NEO1: variants seen among roughly 807,000 people sequenced by gnomAD.
NEO1 encodes the protein neogenin.
Under a neutral mutation model 159.7 loss-of-function variants are expected in NEO1, and 63 were observed. The observed-to-expected ratio is 0.39, with a 90% CI of 0.32 to 0.49. NEO1 has a LOEUF of 0.49. Among genes scored for constraint, NEO1 ranks in the 20% least tolerant of loss-of-function variants. The probability of loss-of-function intolerance (pLI) is 0.85; values close to 1 mark genes in which losing one functional copy is unlikely to be tolerated. For synonymous variants in NEO1, 633 were observed against 662.0 expected (o/e 0.96, Z 0.67); for missense variants, 1,615 against 1,831.0 (o/e 0.88, Z 2.15).
intron 13 of NEO1, among the ~76,000 whole-genome samples, chr15:73,257,538 G>A (rs1429116898): frequency 6.6e-6 from 1 of 152,160 alleles, no homozygotes; most frequent in Non-Finnish European, 1.5e-5. Flanking sequence ...ATAAGTATTA[G>A]GGAGCAGTAT....
rs2151033506 is a variant in NEO1, at chr15:73,270,526, A to G, written c.2857+72A>G. ...AGGAAAGAATTGAGTGCCTGAATTG[A>G]CATATTTACAAAACACAGTGAGCAA... On this transcript the variant is annotated intron_variant, in intron 18 of 28. Transcript: ENST00000261908. 4 of 1,481,604 alleles carry G rather than the reference A, an allele frequency of 2.7e-6. No individual in the cohort carries two copies. In the East Asian group the frequency reaches 9.3e-5, roughly 34 times the overall value. The allele number at this position is 1,481,604 out of a possible 1,614,324, so 91.8% of individuals were successfully genotyped here.
intron 1 of NEO1, among the ~76,000 whole-genome samples, chr15:73,113,287 A>G (rs2151591786): frequency 6.6e-6 from 1 of 152,196 alleles, no homozygotes; most frequent in South Asian, 2.1e-4. Flanking sequence ...AGTGGCCATT[A>G]TTAGAATGGA....
chr15:73,190,003 A>C (rs1361438579), intron 7 of NEO1, among the ~76,000 whole-genome samples: 1 of 152,150 alleles, frequency 6.6e-6, no homozygotes, highest in Admixed American at 6.5e-5. Flanking sequence ...ATAAAACAGG[A>C]TTATTTTTAT....
chr15:73,126,791 C>T (rs2030314672), intron 4 of NEO1, among the ~76,000 whole-genome samples: 1 of 152,132 alleles, frequency 6.6e-6, no homozygotes, highest in African/African-American at 2.4e-5. Context: ...TCCCTTTGTT[C>T]CTGTTGAAGC....
rs897878674 is a variant in NEO1 at position 73,098,761 on chromosome 15, A to T, written c.131-17779A>T. On this transcript the variant is annotated intron_variant, in intron 1 of 28. Transcript: ENST00000261908. ...ATATTTTGGCCAGTGTATCTTAGGG[A>T]GAGATTCATAGACATGGGATTGCTA... Among the ~76,000 whole-genome samples the T allele has an allele frequency of 9.2e-5, 14 of 152,158 alleles. 1 individual carries two copies. Among genetic ancestry groups the T allele is most frequent in the Admixed American group, 7.9e-4 (12 of 15,268 alleles).
chr15:73,084,252 A>C (rs1374926496), intron 1 of NEO1, among the ~76,000 whole-genome samples: 2 of 152,172 alleles, frequency 1.3e-5, no homozygotes, highest in Non-Finnish European at 2.9e-5. Context: ...GACCTCTTGA[A>C]CTTATTCCTC....
chr15:73,253,300 T>G, intron 11 of NEO1, 100 bp from the exon 12 acceptor site: 14 of 611,636 alleles, frequency 2.3e-5, no homozygotes, highest in Non-Finnish European at 3.8e-5. Context: ...AATCAGTGTT[T>G]GAGATGTGCA....
chr15:73,297,422 G>T (rs2042416214), intron 26 of NEO1, among the ~76,000 whole-genome samples: 1 of 152,210 alleles, frequency 6.6e-6, no homozygotes, highest in African/African-American at 2.4e-5. Flanking sequence ...AATCTTAATA[G>T]ATAGATATTC....
intron 1 of NEO1, among the ~76,000 whole-genome samples, chr15:73,065,542 C>CT (rs758443255): frequency 1.3e-5 from 2 of 152,140 alleles, no homozygotes; most frequent in Non-Finnish European, 2.9e-5. Flanking sequence ...CCACTGAACT[C>CT]TATCTTTTCT....
intron 22 of NEO1, among the ~76,000 whole-genome samples, chr15:73,278,438 C>A (rs2041519135): frequency 6.6e-6 from 1 of 152,190 alleles, no homozygotes; most frequent in African/African-American, 2.4e-5. Flanking sequence ...ATTTGTTCAT[C>A]CTGTTGCCTA....
At chr15:73,296,671 C>CT (rs994159751) in intron 26 of NEO1, among the ~76,000 whole-genome samples, 1 of 152,182 alleles carries the variant, frequency 6.6e-6, no homozygotes, top group Non-Finnish European at 1.5e-5. Context: ...GACCCTCCCC[C>CT]TCCCCCCGCA....
rs185942060 is a variant in NEO1, at chr15:73,069,650, A to G, written c.130+16845A>G. 9.7e-4 allele frequency among the ~76,000 whole-genome samples: 147 copies of G among 152,034 alleles called. 1 individual carries two copies. Among genetic ancestry groups the G allele is most frequent in the African/African-American group, 3.3e-3 (139 of 41,508 alleles). ...TATCAATTAAGGGTTTATGGTTTAT[A>G]TATTTTTATATATATACACATACGT... On this transcript the variant is annotated intron_variant, in intron 1 of 28. Coordinates refer to ENST00000261908, the MANE Select transcript of NEO1 (RefSeq NM_002499.4).
At chr15:73,284,316 G>C (rs577191976) in intron 23 of NEO1, among the ~76,000 whole-genome samples, 1 of 152,304 alleles carries the variant, frequency 6.6e-6, no homozygotes, top group South Asian at 2.1e-4. Flanking sequence ...TATCCATGCA[G>C]ACTTGATCTG....
intron 1 of NEO1, among the ~76,000 whole-genome samples, chr15:73,093,370 T>C (rs551709045): frequency 7.2e-5 from 11 of 152,328 alleles, no homozygotes; most frequent in African/African-American, 2.6e-4. Context: ...TGGGGAATTA[T>C]GTTCTCCCTC....
At chr15:73,245,614 G>A (rs1054724364) in intron 9 of NEO1, among the ~76,000 whole-genome samples, 9 of 148,208 alleles carry the variant, frequency 6.1e-5, no homozygotes, top group African/African-American at 1.3e-4. Flanking sequence ...TCGCTCTGTC[G>A]CCCAGGCTGG....
intron 7 of NEO1, among the ~76,000 whole-genome samples, chr15:73,181,864 T>C (rs1266054494): frequency 6.6e-6 from 1 of 151,782 alleles, no homozygotes; most frequent in Non-Finnish European, 1.5e-5. Context: ...ACATTAAACA[T>C]TGTTATAGAG....
At chr15:73,185,674 A>C (rs1421559342) in intron 7 of NEO1, among the ~76,000 whole-genome samples, 1 of 152,228 alleles carries the variant, frequency 6.6e-6, no homozygotes, top group African/African-American at 2.4e-5. Context: ...CAAAATTTAC[A>C]CACAAATGTT....
chr15:73,278,769 G>A (rs771143074), intron 22 of NEO1, among the ~76,000 whole-genome samples: 5 of 152,190 alleles, frequency 3.3e-5, no homozygotes, highest in Non-Finnish European at 2.9e-5. Context: ...CGTTATTCCC[G>A]TTTAATACAT....
In NEO1 at chr15:73,302,701, C is replaced by T. The variant is rs1451641501; in HGVS notation, c.*5C>T. On this transcript the variant is annotated 3_prime_UTR_variant, in exon 29 of 29. Transcript: ENST00000261908. ...AACGCTATCACAACAGCATGACGAC[C>T]TTCACCAGGACCTGACTTCAAACCT... is the stretch of plus-strand genomic sequence containing the variant. 2 of 1,613,342 alleles carry T rather than the reference C, an allele frequency of 1.2e-6. No individual in the cohort carries two copies.
Sources: gnomAD v4.1 joint callset for allele counts (sites outside exome capture counted in the v4.1 genomes callset) on GRCh38, gnomAD v4.1.1 for gene constraint, MANE v1.5 for transcripts, NCBI Gene and HGNC (gene_info 2026-07-23, HGNC 2026-07-21) for gene names.